Variants in AVEN observed in about 807,000 individuals in gnomAD.
AVEN encodes apoptosis and caspase activation inhibitor, also known as cell death regulator Aven.
A neutral mutation model predicts 38.1 loss-of-function variants in AVEN; 41 were observed. The observed-to-expected ratio is 1.08, with a 90% CI of 0.84 to 1.40. The LOEUF (loss-of-function observed/expected upper bound fraction) is 1.40, where lower values mean the gene tolerates loss of function less well. AVEN is among the 40% of genes most tolerant of loss of function. AVEN has a pLI of 0.00. For synonymous variants in AVEN, 206 were observed against 171.8 expected (o/e 1.20, Z -1.56); for missense variants, 605 against 438.8 (o/e 1.38, Z -3.38).
intron 2 of AVEN, among the ~76,000 whole-genome samples, chr15:33,962,809 A>G (rs1267419090): frequency 2.0e-5 from 3 of 151,924 alleles, no homozygotes; most frequent in Non-Finnish European, 2.9e-5. Context: ...AGTCACAGCT[A>G]CTTGGGAGGC....
chr15:33,950,902 G>A (rs1029160126), intron 2 of AVEN, among the ~76,000 whole-genome samples: 7 of 152,138 alleles, frequency 4.6e-5, no homozygotes, highest in Non-Finnish European at 7.3e-5. Context: ...AGCTACTCGC[G>A]AGGCTGAGGC....
chr15:33,951,476 G>A (rs1894746729), intron 2 of AVEN, among the ~76,000 whole-genome samples: 1 of 151,626 alleles, frequency 6.6e-6, no homozygotes. Context: ...ACGAGTTAAT[G>A]GGTGCAGCAA....
Position 34,063,865 on chromosome 15 carries a change from T to C in AVEN, n.1127-433A>G. The stretch of plus-strand genomic sequence containing the variant: ...AAATGTGTGGCCTATAAGTTCCGAT[T>C]GGTGGTAAAAGCTGACGGGAACCAG... On this transcript the variant is annotated intron_variant and non_coding_transcript_variant, in intron 4 of 11. Coordinates refer to the AVEN transcript ENST00000675287. The surrounding 1 kb of genome is among the most constrained non-coding windows in gnomAD (Gnocchi z 4.1). 1 of 1,614,130 alleles carries C rather than the reference T, an allele frequency of 6.2e-7. No homozygotes were observed. The highest frequency in any genetic ancestry group is 8.5e-7 in the Non-Finnish European group (1 of 1,180,028).
intron 2 of AVEN, among the ~76,000 whole-genome samples, chr15:33,949,283 CG>C (rs1362570016): frequency 6.7e-6 from 1 of 149,754 alleles, no homozygotes; most frequent in African/African-American, 2.5e-5. Flanking sequence ...GCCTCAGCCT[CG>C]GCTGGGATTA....
chr15:34,063,980 C>T lies in AVEN; in HGVS notation n.1127-548G>A, dbSNP rs1435540126. On this transcript the variant is annotated intron_variant and non_coding_transcript_variant, in intron 4 of 11. Coordinates refer to the AVEN transcript ENST00000675287. The surrounding 1 kb of genome is among the most constrained non-coding windows in gnomAD (Gnocchi z 4.1). ...CTTCAACGAAAGGCCTCAATCCCAA[C>T]CCCAGCCATCAAATGACCAAACGAA... 1.1e-5 allele frequency: 17 copies of T among 1,614,190 alleles called. No individual in the cohort carries two copies. Among genetic ancestry groups the T allele is most frequent in the Non-Finnish European group, 1.4e-5 (16 of 1,180,032 alleles).
In AVEN at chr15:33,867,630, C is replaced by A; in HGVS notation, c.838G>T (p.Asp280Tyr). ...AGATCTAGTTCTTCTTCCAAATGGT[C>A]TCCTGCTGACTGCAGTGGGGAAGTG... ...KPTSPLQSAGDHLEEELDLLL... is the reference protein window; with the variant it reads ...KPTSPLQSAGYHLEEELDLLL... The change falls in exon 5 of 6, where the codon GAC (aspartate) becomes TAC (tyrosine). Residue 280 changes from aspartate (D) to tyrosine (Y), a missense_variant. Asp to Tyr is a radical substitution (Grantham distance 160). Coordinates refer to ENST00000306730, the MANE Select transcript of AVEN (RefSeq NM_020371.3). The A allele has an allele frequency of 6.2e-7, 1 of 1,614,194 alleles. No homozygotes were observed. The highest frequency in any genetic ancestry group is 8.5e-7 in the Non-Finnish European group (1 of 1,180,038).
At chr15:33,950,083 G>T (rs1449265316) in intron 2 of AVEN, among the ~76,000 whole-genome samples, 1 of 152,298 alleles carries the variant, frequency 6.6e-6, no homozygotes, top group East Asian at 1.9e-4. Context: ...GAACCTGGAG[G>T]ACATTATAAT....
chr15:34,003,520 T>C (rs372233866), intron 1 of AVEN, among the ~76,000 whole-genome samples: 1 of 152,216 alleles, frequency 6.6e-6, no homozygotes, highest in East Asian at 1.9e-4. Flanking sequence ...ATCAAGGCTG[T>C]AAGCATCTTA....
intron 11 of AVEN, chr15:33,861,062 CTGT>C: frequency 6.4e-7 from 1 of 1,550,466 alleles, no homozygotes; most frequent in Non-Finnish European, 8.8e-7. Flanking sequence ...CCTTTTCTGC[CTGT>C]TATTTTTCTT....
chr15:33,941,882 G>A (rs1223331638), intron 2 of AVEN, among the ~76,000 whole-genome samples: 1 of 152,190 alleles, frequency 6.6e-6, no homozygotes, highest in Non-Finnish European at 1.5e-5. Flanking sequence ...CAGCTTTCCA[G>A]TGTTTGCTTT....
At chr15:33,949,050 T>A (rs7170662) in intron 2 of AVEN, among the ~76,000 whole-genome samples, 34,750 of 151,490 alleles carry the variant, frequency 0.23, 4,904 homozygotes, top group African/African-American at 0.4. Flanking sequence ...TGAGACGGAG[T>A]TTTGCCCTTG....
At chr15:34,059,418 T>C (rs1900263576) in intron 5 of AVEN, among the ~76,000 whole-genome samples, 1 of 152,232 alleles carries the variant, frequency 6.6e-6, no homozygotes, top group Non-Finnish European at 1.5e-5. Context: ...ATCATTTTAC[T>C]ACTTCTCTCC....
At chr15:33,882,644 A>C (rs560869523) in intron 2 of AVEN, among the ~76,000 whole-genome samples, 1 of 152,188 alleles carries the variant, frequency 6.6e-6, no homozygotes, top group East Asian at 1.9e-4. Context: ...AGGTGGAAGG[A>C]TCAATTGAGG....
intron 2 of AVEN, among the ~76,000 whole-genome samples, chr15:33,917,867 T>C (rs1356213239): frequency 2.6e-5 from 4 of 152,062 alleles, no homozygotes; most frequent in Non-Finnish European, 5.9e-5. Context: ...TGTACACTAC[T>C]CAGGTGATGC....
intron 4 of AVEN, among the ~76,000 whole-genome samples, chr15:33,869,893 C>G (rs942236492): frequency 6.6e-6 from 1 of 151,800 alleles, no homozygotes; most frequent in Non-Finnish European, 1.5e-5. Context: ...GGGCCTCCCC[C>G]TCTCTTAGTT....
downstream of AVEN, chr15:33,864,832 AATCAGCTTATTGCTAAATCT>A (rs2153028408): frequency 3.3e-6 from 1 of 307,096 alleles, no homozygotes; most frequent in South Asian, 7.9e-5. Flanking sequence ...AGCGGCATGG[AATCAGCTTATTGCTAAATCT>A]TTAAGTATGT....
At position 33,866,738 on chromosome 15, in the gene AVEN, A is replaced by G; in HGVS notation, c.974-10T>C. 2 of 1,594,994 alleles carry G rather than the reference A, an allele frequency of 1.3e-6. No homozygotes were observed. Among genetic ancestry groups the G allele is most frequent in the Non-Finnish European group, 1.7e-6 (2 of 1,162,940 alleles). On this transcript the variant is annotated splice_polypyrimidine_tract_variant and intron_variant, in intron 5 of 5. Coordinates refer to ENST00000306730, the MANE Select transcript of AVEN (RefSeq NM_020371.3). ...GATGGTTTTGCACAAACTGGGGGAA[A>G]AAAAACAATGTTAACACCCTCAGAT...
At chr15:33,959,018 T>C (rs1417723597) in intron 2 of AVEN, among the ~76,000 whole-genome samples, 1 of 152,122 alleles carries the variant, frequency 6.6e-6, no homozygotes, top group African/African-American at 2.4e-5. Context: ...TGGCACCACA[T>C]CAACATCAGC....
chr15:34,005,678 G>GT (rs1897310816), intron 1 of AVEN, among the ~76,000 whole-genome samples: 1 of 152,156 alleles, frequency 6.6e-6, no homozygotes, highest in Non-Finnish European at 1.5e-5. Context: ...CGAGGAAATT[G>GT]TTTGTGCAGT....
Sources: gnomAD v4.1 joint callset for allele counts (sites outside exome capture counted in the v4.1 genomes callset) on GRCh38, gnomAD v4.1.1 for gene constraint, Gnocchi (gnomAD v3.1) non-coding constraint, MANE v1.5 for transcripts, NCBI Gene and HGNC (gene_info 2026-07-23, HGNC 2026-07-21) for gene names.